CEP85L: variants seen among roughly 807,000 people sequenced by gnomAD.
CEP85L encodes the protein centrosomal protein of 85 kDa-like.
A neutral mutation model predicts 100.3 loss-of-function variants in CEP85L; 60 were observed. That is an observed-to-expected ratio of 0.60 (90% CI 0.49 to 0.74). CEP85L has a LOEUF of 0.74. Ranked by LOEUF, CEP85L falls within the 30% of genes least tolerant of loss-of-function variation. The pLI is 0.00. For missense variants in CEP85L, 973 were observed against 936.2 expected, an observed-to-expected ratio of 1.04 and a Z score of -0.51; for synonymous variants, 319 against 322.7, an observed-to-expected ratio of 0.99 and a Z score of 0.12.
At chr6:118,499,249 A>C (rs553509338) in intron 5 of CEP85L, among the ~76,000 whole-genome samples, 60 of 152,346 alleles carry the variant, frequency 3.9e-4, no homozygotes, top group African/African-American at 1.4e-3. Context: ...AAACAAAAGA[A>C]ACTAAAAGTT....
chr6:118,489,159 C>A (rs898854005), intron 6 of CEP85L, among the ~76,000 whole-genome samples: 1 of 151,118 alleles, frequency 6.6e-6, no homozygotes, highest in African/African-American at 2.4e-5. Context: ...CCCAGCTACT[C>A]GGGAGGCTGA....
rs769960462 is a variant in CEP85L, at chr6:118,667,723, G to C, written c.-27-14915C>G. Among the ~76,000 whole-genome samples the C allele has an allele frequency of 2.0e-5, 3 of 152,168 alleles. No individual in the cohort carries two copies. The South Asian group carries it at 6.2e-4, about 31-fold the overall frequency. On this transcript the variant is annotated intron_variant, in intron 1 of 13. Coordinates refer to the CEP85L transcript ENST00000368488. ...GATGAAATGACTCACTGAAATGGCA[G>C]AGATAAATCGTAAACCTAGGTCATT... is the stretch of plus-strand genomic sequence containing the variant.
chr6:118,605,837 C>A (rs1182018572), intron 2 of CEP85L, among the ~76,000 whole-genome samples: 1 of 151,994 alleles, frequency 6.6e-6, no homozygotes, highest in Non-Finnish European at 1.5e-5. Context: ...ACAGTGAAAT[C>A]CCGTCTCTAC....
At chr6:118,500,702 C>A (rs1373203243) in intron 5 of CEP85L, among the ~76,000 whole-genome samples, 4 of 152,180 alleles carry the variant, frequency 2.6e-5, no homozygotes, top group African/African-American at 9.7e-5. Flanking sequence ...AAGGTCCATG[C>A]AGGCTACAAG....
chr6:118,699,577 T>A (rs1168546294), intron 1 of CEP85L, among the ~76,000 whole-genome samples: 1 of 152,158 alleles, frequency 6.6e-6, no homozygotes, highest in Non-Finnish European at 1.5e-5. Context: ...GGGCTGCTCA[T>A]CTGTTTTTAT....
At chr6:118,587,046 T>C (rs1780902097) in intron 2 of CEP85L, among the ~76,000 whole-genome samples, 1 of 152,212 alleles carries the variant, frequency 6.6e-6, no homozygotes, top group Non-Finnish European at 1.5e-5. Flanking sequence ...CGTCGCACCA[T>C]CTAGCTCCTA....
At chr6:118,637,209 C>T (rs985214172) in intron 1 of CEP85L, among the ~76,000 whole-genome samples, 2 of 152,182 alleles carry the variant, frequency 1.3e-5, no homozygotes, top group African/African-American at 4.8e-5. Flanking sequence ...GACATGCTAT[C>T]ATTCCGCCCC....
At chr6:118,562,257 A>G (rs1779266965) in intron 3 of CEP85L, among the ~76,000 whole-genome samples, 1 of 152,214 alleles carries the variant, frequency 6.6e-6, no homozygotes, top group African/African-American at 2.4e-5. Flanking sequence ...TGTTCACAGG[A>G]CGTAACAGAA....
intron 1 of CEP85L, 89 bp downstream of exon 1, chr6:118,651,108 T>C (rs1445059618): frequency 7.1e-7 from 1 of 1,416,586 alleles, no homozygotes. Context: ...AAGACAGGCC[T>C]GAGGCGGGAG....
At chr6:118,504,096 G>A (rs568826610) in intron 5 of CEP85L, among the ~76,000 whole-genome samples, 10 of 152,196 alleles carry the variant, frequency 6.6e-5, no homozygotes, top group Middle Eastern at 3.4e-3. Context: ...ATAATAGGCC[G>A]GGCGCGGTAG....
chr6:118,545,377 C>G (rs182697283), intron 3 of CEP85L, among the ~76,000 whole-genome samples: 2 of 152,254 alleles, frequency 1.3e-5, no homozygotes, highest in African/African-American at 4.8e-5. Context: ...ATCACGAGGT[C>G]AGGAGTTTGA....
At chr6:118,650,256 A>G (rs1775460273) in intron 1 of CEP85L, among the ~76,000 whole-genome samples, 1 of 152,126 alleles carries the variant, frequency 6.6e-6, no homozygotes, top group Admixed American at 6.5e-5. Flanking sequence ...TGTCCATATA[A>G]CTCAGTTTCT....
At chr6:118,606,983 G>A (rs1323019269) in intron 2 of CEP85L, among the ~76,000 whole-genome samples, 2 of 152,090 alleles carry the variant, frequency 1.3e-5, no homozygotes, top group African/African-American at 4.8e-5. Context: ...CGGCATGCCA[G>A]GCTTCTGGGT....
rs1195340249 is a variant in CEP85L at position 118,692,042 on chromosome 6, GGGAGGCCCTCA to G, written c.-28+17983_-28+17993del. On this transcript the variant is annotated intron_variant, in intron 1 of 13. Transcript: ENST00000368488. ...ACCAGGATCAATTATCTGGAGAGGA[GGGAGGCCCTCA>G]GGTAGCAACTCAGGGCGAGGGGACA... Among the ~76,000 whole-genome samples, 3 of 152,136 alleles carry G rather than the reference GGGAGGCCCTCA, an allele frequency of 2.0e-5. No individual in the cohort carries two copies. In the East Asian group the frequency reaches 5.8e-4, roughly 29 times the overall value.
At chr6:118,679,498 T>C (rs1776584365) in intron 1 of CEP85L, among the ~76,000 whole-genome samples, 1 of 152,214 alleles carries the variant, frequency 6.6e-6, no homozygotes, top group Non-Finnish European at 1.5e-5. Context: ...AGTTAGTTTT[T>C]TCCACATGCA....
chr6:118,652,730 G>C, upstream of CEP85L: 1 of 1,545,702 alleles, frequency 6.5e-7, no homozygotes, highest in Non-Finnish European at 8.7e-7. Context: ...TCTGATTGGA[G>C]TTTTACATTT....
intron 2 of CEP85L, among the ~76,000 whole-genome samples, chr6:118,625,096 C>T (rs1182928960): frequency 3.3e-5 from 5 of 152,214 alleles, no homozygotes; most frequent in African/African-American, 1.2e-4. Flanking sequence ...TAATTGGCTC[C>T]CCAGTCACCA....
In CEP85L at chr6:118,597,417, GGAAAAA is replaced by G. The variant is rs748717867; in HGVS notation, c.233-31107_233-31102del. Among the ~76,000 whole-genome samples the G allele has an allele frequency of 4.6e-5, 7 of 152,012 alleles. No individual in the cohort carries two copies. The East Asian group carries it at 9.6e-4, about 21-fold the overall frequency. ...TCATACATTAATAAAAAATTGTTGG[GGAAAAA>G]GAGTCAAAGTTCAGCTTGGAGGTAA... On this transcript the variant is annotated intron_variant, in intron 2 of 12. Coordinates refer to ENST00000368491, the MANE Select transcript of CEP85L (RefSeq NM_001042475.3).
chr6:118,525,260 G>A (rs962718587), intron 3 of CEP85L, among the ~76,000 whole-genome samples: 18 of 152,092 alleles, frequency 1.2e-4, no homozygotes, highest in African/African-American at 3.6e-4. Context: ...ATAAACCAAC[G>A]GTAGAAACTA....
Sources: allele counts gnomAD v4.1 joint callset (sites outside exome capture counted in the v4.1 genomes callset), GRCh38; gene constraint gnomAD v4.1.1; transcripts MANE v1.5; gene names NCBI Gene and HGNC (gene_info 2026-07-23, HGNC 2026-07-21).